PCNX2: variants seen among roughly 807,000 people sequenced by gnomAD.
PCNX2 encodes the protein pecanex-like protein 2.
A neutral mutation model predicts 223.8 loss-of-function variants in PCNX2; 168 were observed. That is an observed-to-expected ratio of 0.75 (90% CI 0.66 to 0.85). PCNX2 has a LOEUF of 0.85. Ranked by LOEUF, PCNX2 falls within the 40% of genes least tolerant of loss-of-function variation. The pLI is 0.00. For missense variants in PCNX2, 2,507 were observed against 2,675.5 expected (o/e 0.94, Z 1.39); for synonymous variants, 1,006 against 1,052.6 (o/e 0.96, Z 0.86).
intron 9 of PCNX2, among the ~76,000 whole-genome samples, chr1:233,230,382 T>G (rs1657992279): frequency 6.6e-6 from 1 of 152,196 alleles, no homozygotes; most frequent in South Asian, 2.1e-4. Context: ...CACTTTTATC[T>G]TTCACTGTAA....
In PCNX2 at chr1:233,000,532, G is replaced by T. The variant is rs1242077395; in HGVS notation, c.5101C>A (p.Gln1701Lys). 2 of 1,583,692 alleles carry T rather than the reference G, an allele frequency of 1.3e-6. No homozygotes were observed. The highest frequency in any genetic ancestry group is 1.7e-6 in the Non-Finnish European group (2 of 1,169,210). Reference sequence around the variant, plus strand: ...TCATACTCGTCAGGGCAAGTGAACTGGTCCTGGTGGGAAGAAGTGTGGGTG... The same window carrying T: ...TCATACTCGTCAGGGCAAGTGAACTTGTCCTGGTGGGAAGAAGTGTGGGTG... ...IRMSLKLHQD[Q>K]FTCPDEYEDP... Residue 1701 changes from glutamine to lysine, a missense_variant, in exon 30 of 34, where the codon CAG becomes AAG. By Grantham distance (53) the Gln-to-Lys change is moderately conservative (BLOSUM62 1). Around this residue, in one of 3 missense-constraint regions of PCNX2, gnomAD observed 1,372 missense variants for 1,509.4 expected, o/e 0.91. Coordinates refer to ENST00000258229, the MANE Select transcript of PCNX2 (RefSeq NM_014801.4). This position sits in a 1 kb window ranked among gnomAD's most constrained non-coding sequence, Gnocchi z 4.6.
intron 26 of PCNX2, among the ~76,000 whole-genome samples, chr1:233,017,441 C>T (rs1045323736): frequency 5.3e-5 from 8 of 151,818 alleles, no homozygotes; most frequent in African/African-American, 1.9e-4. Context: ...CCTCAGCCTC[C>T]CAAGTAGCTG....
intron 23 of PCNX2, chr1:233,065,687 A>AG (rs1672572788): frequency 6.6e-6 from 1 of 151,956 alleles, no homozygotes; most frequent in Non-Finnish European, 1.5e-5. Context: ...AAAAAAAAAA[A>AG]GCATCAACAA....
chr1:233,314,446 TAACTA>T, the PCNX2 span, among the ~76,000 whole-genome samples: 11 of 152,140 alleles, frequency 7.2e-5, no homozygotes, highest in African/African-American at 2.7e-4. Flanking sequence ...TATATAAAAA[TAACTA>T]AGAGAACACA....
At chr1:233,014,820 A>G (rs761324988) in intron 27 of PCNX2, 43 bp from the exon 28 acceptor site, 2 of 1,478,822 alleles carry the variant, frequency 1.4e-6, no homozygotes, top group Non-Finnish European at 9.5e-7. Context: ...ACAGATTCCA[A>G]TATGTACCAA....
chr1:232,983,693 A>G lies in PCNX2; in HGVS notation c.*611T>C, dbSNP rs1469129224. 1 of 152,134 alleles carries G rather than the reference A, an allele frequency of 6.6e-6. No individual in the cohort carries two copies. The highest frequency in any genetic ancestry group is 1.5e-5 in the Non-Finnish European group (1 of 68,012). 9.4% of individuals were successfully genotyped at this position (152,134 alleles called of 1,614,324 possible). A position where few individuals can be genotyped will look rare whatever the true frequency, so the allele number is the denominator to read the frequency against. The stretch of plus-strand genomic sequence containing the variant: ...GAATACTGGAGACATGACTGCATGC[A>G]TGATCACGGTTCTTGTTGTGAAGCT... On this transcript the variant is annotated 3_prime_UTR_variant, in exon 34 of 34. Transcript: ENST00000258229.
intron 17 of PCNX2, among the ~76,000 whole-genome samples, chr1:233,171,960 T>C (rs938960005): frequency 1.3e-5 from 2 of 152,198 alleles, no homozygotes; most frequent in Non-Finnish European, 2.9e-5. Flanking sequence ...TTCAGAGGCA[T>C]CTAATCTCCC....
At chr1:233,254,020 T>C (rs1429205474) in intron 5 of PCNX2, among the ~76,000 whole-genome samples, 1 of 152,212 alleles carries the variant, frequency 6.6e-6, no homozygotes, top group Non-Finnish European at 1.5e-5. Flanking sequence ...TACAAGTTCT[T>C]TCAAGACACA....
At chr1:233,008,937 C>A (rs1280829959) in intron 28 of PCNX2, among the ~76,000 whole-genome samples, 3 of 152,156 alleles carry the variant, frequency 2.0e-5, no homozygotes, top group Admixed American at 2.0e-4. Flanking sequence ...AGCTGGGCCA[C>A]CCCAGGGAAG....
intron 32 of PCNX2, among the ~76,000 whole-genome samples, chr1:232,987,873 C>G (rs546816639): frequency 6.6e-6 from 1 of 152,348 alleles, no homozygotes; most frequent in African/African-American, 2.4e-5. Context: ...GGCACTGGTG[C>G]TCCCATCTCA....
At position 233,139,979 on chromosome 1, in the gene PCNX2, A is replaced by G; in HGVS notation, c.3518-124T>C. 8.2e-7 allele frequency: 1 copy of G among 1,224,846 alleles called. No individual in the cohort carries two copies. The highest frequency in any genetic ancestry group is 1.6e-5 in the South Asian group (1 of 61,340). 75.9% of individuals were successfully genotyped at this position (1,224,846 alleles called of 1,614,324 possible). A position where few individuals can be genotyped will look rare whatever the true frequency, so the allele number is the denominator to read the frequency against. On this transcript the variant is annotated intron_variant, in intron 19 of 33. Coordinates refer to ENST00000258229, the MANE Select transcript of PCNX2 (RefSeq NM_014801.4). This position sits in a 1 kb window ranked among gnomAD's most constrained non-coding sequence, Gnocchi z 4.4. ...AAGCTGCTAATTAAGAACTCGTGATACTAGACATGATATACCATTTTTTTC... is the reference window on the plus strand; with the variant it reads ...AAGCTGCTAATTAAGAACTCGTGATGCTAGACATGATATACCATTTTTTTC...
chr1:233,081,464 A>G (rs1054147218), intron 23 of PCNX2, among the ~76,000 whole-genome samples: 1 of 152,220 alleles, frequency 6.6e-6, no homozygotes, highest in Non-Finnish European at 1.5e-5. Context: ...CATGAGGATC[A>G]TCGAGGCTTC....
chr1:233,254,037 G>A (rs999346215), intron 5 of PCNX2, among the ~76,000 whole-genome samples: 2 of 152,292 alleles, frequency 1.3e-5, no homozygotes, highest in East Asian at 1.9e-4. Context: ...CACACCATTC[G>A]AAAAGTCTAT....
chr1:233,189,556 T>G (rs748732927), intron 15 of PCNX2, among the ~76,000 whole-genome samples: 1 of 152,190 alleles, frequency 6.6e-6, no homozygotes, highest in Non-Finnish European at 1.5e-5. Context: ...TCAGGTCCAC[T>G]TCAGCATTAA....
intron 17 of PCNX2, among the ~76,000 whole-genome samples, chr1:233,176,010 G>GT (rs1339920532): frequency 6.6e-6 from 1 of 152,152 alleles, no homozygotes; most frequent in East Asian, 1.9e-4. Flanking sequence ...AGCACCCACT[G>GT]TAACACCGGG....
chr1:233,160,511 T>C, intron 18 of PCNX2, 78 bp from the exon 19 acceptor site: 1 of 1,435,090 alleles, frequency 7.0e-7, no homozygotes, highest in East Asian at 2.3e-5. Context: ...ATACATAACA[T>C]CACTGTCCTT....
At chr1:233,061,719 T>C (rs575129034) in intron 23 of PCNX2, among the ~76,000 whole-genome samples, 1 of 152,234 alleles carries the variant, frequency 6.6e-6, no homozygotes, top group South Asian at 2.1e-4. Context: ...GTTTTGTTGG[T>C]TTTTTTCTTT....
upstream of PCNX2, among the ~76,000 whole-genome samples, chr1:233,297,014 T>C (rs1662161153): frequency 6.6e-6 from 1 of 152,390 alleles, no homozygotes. Flanking sequence ...AAATGGAATA[T>C]GGCTGCTTTC....
chr1:233,075,987 A>T (rs1410338197), intron 23 of PCNX2, among the ~76,000 whole-genome samples: 2 of 152,232 alleles, frequency 1.3e-5, no homozygotes, highest in East Asian at 3.8e-4. Flanking sequence ...CTGCAAATGC[A>T]ACTAATAAAA....
Sources: gnomAD v4.1 joint callset for allele counts (sites outside exome capture counted in the v4.1 genomes callset) on GRCh38, gnomAD v4.1.1 for gene constraint, gnomAD v4.1.1 regional missense constraint, Gnocchi (gnomAD v3.1) non-coding constraint, MANE v1.5 for transcripts, NCBI Gene and HGNC (gene_info 2026-07-23, HGNC 2026-07-21) for gene names.